Variants in SYNE1 observed in about 807,000 individuals in gnomAD.
The protein encoded by SYNE1 is spectrin repeat containing nuclear envelope protein 1, also known as nesprin-1.
Under a neutral mutation model 1,111.0 loss-of-function variants are expected in SYNE1, and 616 were observed. The ratio of observed to expected loss-of-function variants is 0.55; its 90% CI spans 0.52 to 0.59. The LOEUF (loss-of-function observed/expected upper bound fraction) is 0.59, where lower values mean the gene tolerates loss of function less well. Ranked by LOEUF, SYNE1 falls within the 20% of genes least tolerant of loss-of-function variation. The probability of loss-of-function intolerance (pLI) is 0.00; values close to 1 mark genes in which losing one functional copy is unlikely to be tolerated. For synonymous variants in SYNE1, 3,855 were observed against 3,825.8 expected (o/e 1.01, Z -0.28); for missense variants, 10,006 against 10,417.0 (o/e 0.96, Z 1.72).
intron 100 of SYNE1, among the ~76,000 whole-genome samples, chr6:152,263,362 A>C (rs192751759): frequency 1.2e-4 from 18 of 152,098 alleles, no homozygotes; most frequent in African/African-American, 4.3e-4. Flanking sequence ...GTAGGCAGCA[A>C]TGTGACATCT....
chr6:152,596,462 G>A (rs2099582196), intron 3 of SYNE1, among the ~76,000 whole-genome samples: 1 of 152,024 alleles, frequency 6.6e-6, no homozygotes, highest in African/African-American at 2.4e-5. Flanking sequence ...CACCATGTTG[G>A]CCATGCTGGT....
chr6:152,533,776 G>T (rs1212593970), intron 4 of SYNE1, among the ~76,000 whole-genome samples: 8 of 151,322 alleles, frequency 5.3e-5, no homozygotes, highest in Admixed American at 6.6e-5. Context: ...TTTCTGTTTT[G>T]GTCACTGCTA....
chr6:152,385,645 G>T, intron 55 of SYNE1, 29 bp downstream of exon 55: 1 of 1,612,118 alleles, frequency 6.2e-7, no homozygotes. Flanking sequence ...ATGAAGCAAT[G>T]TAGATATAGC....
chr6:152,422,800 C>T (rs972225130), intron 39 of SYNE1, among the ~76,000 whole-genome samples: 4 of 152,368 alleles, frequency 2.6e-5, no homozygotes, highest in African/African-American at 2.4e-5. Context: ...TGAGCCATCA[C>T]ACCCAATCTC....
At chr6:152,630,814 T>A (rs1034413968) in intron 2 of SYNE1, among the ~76,000 whole-genome samples, 2 of 152,208 alleles carry the variant, frequency 1.3e-5, no homozygotes, top group Non-Finnish European at 2.9e-5. Context: ...TTCAGTTAAA[T>A]CATTGCAACA....
rs762351812 is a variant in SYNE1, at chr6:152,511,572, G to A, written c.310-469C>T. 25 of 1,612,310 alleles carry A rather than the reference G, an allele frequency of 1.6e-5. No individual in the cohort carries two copies. The highest frequency in any genetic ancestry group is 5.5e-5 in the South Asian group (5 of 91,016). On this transcript the variant is annotated intron_variant, in intron 6 of 145. Coordinates refer to ENST00000367255, the MANE Select transcript of SYNE1 (RefSeq NM_182961.4). ...AAGAATTCTAAAATTTGTACTAACC[G>A]GTGATCCTCTGTGCATGGACTGACA...
intron 142 of SYNE1, 52 bp downstream of exon 142, chr6:152,135,052 A>AT: frequency 6.2e-7 from 1 of 1,613,284 alleles, no homozygotes; most frequent in South Asian, 1.1e-5. Context: ...CTGTAAATGA[A>AT]ATGCAACCCT....
rs2154085788 is a variant in SYNE1, at chr6:152,369,560, A to C, written c.9562T>G (p.Trp3188Gly). The C allele has an allele frequency of 2.5e-6, 4 of 1,614,214 alleles. No homozygotes were observed. Among genetic ancestry groups the C allele is most frequent in the Non-Finnish European group, 3.4e-6 (4 of 1,180,034 alleles). ...ACCATCTTCTCAGTTTTACTCAGCC[A>C]GTCCTGGATAGGCTCAGCACTTACT... is the stretch of plus-strand genomic sequence containing the variant. ...FEVSAEPIQD[W>G]LSKTEKMVHE... The change falls in exon 60 of 146, where the codon TGG becomes GGG. Residue 3188 changes from tryptophan (W) to glycine (G), a missense_variant. Physicochemically the swap from Trp to Gly is radical, Grantham distance 184 (BLOSUM62 -2). Around this residue, in one of 7 missense-constraint regions of SYNE1, gnomAD observed 4,955 missense variants for 5,017.2 expected, o/e 0.99. Transcript: ENST00000367255.
At chr6:152,130,384 A>C (rs1259578154) in intron 145 of SYNE1, among the ~76,000 whole-genome samples, 1 of 152,196 alleles carries the variant, frequency 6.6e-6, no homozygotes, top group African/African-American at 2.4e-5. Flanking sequence ...AAACTCTAGA[A>C]ATAAAGAGGA....
chr6:152,349,947 T>C (rs1349860232), intron 72 of SYNE1, among the ~76,000 whole-genome samples: 1 of 152,186 alleles, frequency 6.6e-6, no homozygotes, highest in Non-Finnish European at 1.5e-5. Context: ...GAACTGTAAG[T>C]CCAACAAACC....
intron 141 of SYNE1, among the ~76,000 whole-genome samples, chr6:152,136,288 G>A (rs372902502): frequency 5.6e-4 from 85 of 152,304 alleles, no homozygotes; most frequent in Middle Eastern, 3.4e-3. Flanking sequence ...TGTTCAAGAA[G>A]GGTCTGCCTA....
Position 152,505,415 on chromosome 6 carries a change from A to G in SYNE1, c.582-18T>C, listed in dbSNP as rs772844068. On this transcript the variant is annotated intron_variant, in intron 8 of 145. Coordinates refer to ENST00000367255, the MANE Select transcript of SYNE1 (RefSeq NM_182961.4). ...CAGTCTGCCTTTGTGTTATAAAAAC[A>G]TAAAATGATGTCACATTCTGAATAG... The G allele has an allele frequency of 1.2e-6, 2 of 1,612,946 alleles. No homozygotes were observed. Among genetic ancestry groups the G allele is most frequent in the Non-Finnish European group, 1.7e-6 (2 of 1,179,664 alleles).
chr6:152,286,566 T>C (rs541336698), intron 95 of SYNE1, among the ~76,000 whole-genome samples: 10 of 152,356 alleles, frequency 6.6e-5, no homozygotes, highest in Admixed American at 6.5e-4. Flanking sequence ...GTAATTTTAA[T>C]TTCCATTTCC....
At chr6:152,236,983 A>G in intron 108 of SYNE1, 35 bp from the exon 109 acceptor site, 1 of 1,611,510 alleles carries the variant, frequency 6.2e-7, no homozygotes, top group Non-Finnish European at 8.5e-7. Context: ...AGCTAAAAAA[A>G]CCCTCATTAG....
Position 152,362,153 on chromosome 6 carries a change from T to C in SYNE1, c.10299+17A>G, listed in dbSNP as rs562769565. 3.1e-6 allele frequency: 5 copies of C among 1,614,220 alleles called. No individual in the cohort carries two copies. In the African/African-American group the frequency reaches 6.7e-5, roughly 22 times the overall value. ...AGCCTGTGAGAAAACACATGGAATC[T>C]GAAATCCAGCTCTCACCTTGGCTTT... On this transcript the variant is annotated intron_variant, in intron 64 of 145. Coordinates refer to ENST00000367255, the MANE Select transcript of SYNE1 (RefSeq NM_182961.4).
At chr6:152,446,816 T>C (rs1042430634) in intron 29 of SYNE1, among the ~76,000 whole-genome samples, 7 of 152,174 alleles carry the variant, frequency 4.6e-5, no homozygotes. Context: ...TTTTAATCTA[T>C]AAAGGAATAT....
At chr6:152,252,477 T>A (rs1283406259) in intron 104 of SYNE1, among the ~76,000 whole-genome samples, 1 of 152,168 alleles carries the variant, frequency 6.6e-6, no homozygotes, top group African/African-American at 2.4e-5. Context: ...TTGACTTTAT[T>A]GTGATTCTAT....
chr6:152,435,013 A>G (rs969297473), intron 33 of SYNE1: 8 of 152,176 alleles, frequency 5.3e-5, no homozygotes, highest in African/African-American at 1.7e-4. Flanking sequence ...ACTCTGTTTT[A>G]CTATTTCCAT....
intron 137 of SYNE1, chr6:152,144,035 C>T: frequency 2.1e-6 from 1 of 474,342 alleles, no homozygotes; most frequent in Non-Finnish European, 3.9e-6. Context: ...GTGCACCTGA[C>T]CCTCTTCCAG....
Sources: gnomAD v4.1 joint callset for allele counts (sites outside exome capture counted in the v4.1 genomes callset) on GRCh38, gnomAD v4.1.1 for gene constraint, gnomAD v4.1.1 regional missense constraint, MANE v1.5 for transcripts, NCBI Gene and HGNC (gene_info 2026-07-23, HGNC 2026-07-21) for gene names.